MED10: variants seen among roughly 807,000 people sequenced by gnomAD.
MED10 encodes the protein mediator complex subunit 10.
Under a neutral mutation model 17.2 loss-of-function variants are expected in MED10, and 9 were observed. That is an observed-to-expected ratio of 0.52 (90% CI 0.31 to 0.91). MED10 has a LOEUF of 0.91. MED10 is among the 40% of genes least tolerant of loss of function. The pLI is 0.04. For synonymous variants in MED10, 66 were observed against 59.8 expected (o/e 1.10, Z -0.48); for missense variants, 129 against 164.8 (o/e 0.78, Z 1.19).
chr5:6,372,266 G>GTA lies in MED10; in HGVS notation c.*236_*237insTA. On this transcript the variant is annotated 3_prime_UTR_variant, in exon 4 of 4. Transcript: ENST00000255764. The stretch of plus-strand genomic sequence containing the variant: ...AGAGAATGATCCCCACAGTGATGAG[G>GTA]GGTCAGCACTCTGAAAGCCAGTTGA... 1 of 512,366 alleles carries GTA rather than the reference G, an allele frequency of 2.0e-6. No homozygotes were observed. Among genetic ancestry groups the GTA allele is most frequent in the East Asian group, 3.1e-5 (1 of 31,810 alleles). 31.7% of individuals were successfully genotyped at this position (512,366 alleles called of 1,614,324 possible).
intron 3 of MED10, among the ~76,000 whole-genome samples, chr5:6,372,987 G>A (rs17831845): frequency 0.23 from 34,921 of 152,104 alleles, 4,320 homozygotes; most frequent in Middle Eastern, 0.29. Flanking sequence ...CAAAACGAGC[G>A]GCCCTCACTA....
chr5:6,377,945 G>A (rs1039212621), intron 1 of MED10, among the ~76,000 whole-genome samples: 1 of 152,182 alleles, frequency 6.6e-6, no homozygotes, highest in Non-Finnish European at 1.5e-5. Context: ...CACCTTCTGA[G>A]GCCTAGTTTA....
chr5:6,375,048 T>C (rs1435466593), intron 2 of MED10, among the ~76,000 whole-genome samples: 1 of 152,160 alleles, frequency 6.6e-6, no homozygotes, highest in Non-Finnish European at 1.5e-5. Flanking sequence ...CTTTACTAAA[T>C]ACACCTAGGT....
At position 6,372,392 on chromosome 5, in the gene MED10, G is replaced by T; in HGVS notation, c.*111C>A. The T allele has an allele frequency of 1.2e-6, 1 of 834,898 alleles. No homozygotes were observed. Among genetic ancestry groups the T allele is most frequent in the Admixed American group, 2.0e-5 (1 of 49,052 alleles). 51.7% of individuals were successfully genotyped at this position (834,898 alleles called of 1,614,324 possible). A position where few individuals can be genotyped will look rare whatever the true frequency, so the allele number is the denominator to read the frequency against. ...AATGAGGACAGAGGGGCTGAGGGGT[G>T]TGTCCAGGGCCCAGTCCCACCTCAG... On this transcript the variant is annotated 3_prime_UTR_variant, in exon 4 of 4. Transcript: ENST00000255764.
rs1489976351 is a variant in MED10 at position 6,377,211 on chromosome 5, C to T, written c.161G>A (p.Cys54Tyr). The T allele has an allele frequency of 1.2e-6, 2 of 1,609,866 alleles. No individual in the cohort carries two copies. Among genetic ancestry groups the T allele is most frequent in the African/African-American group, 1.3e-5 (1 of 74,938 alleles). Residue 54 changes from cysteine (C) to tyrosine (Y), a missense_variant, in exon 2 of 4, where the codon TGC (cysteine) becomes TAC (tyrosine). This residue lies in a region of MED10 where 100 missense variants were observed against 121.0 expected (regional missense o/e 0.83). Transcript: ENST00000255764. ...AGTAATATCATGAAGCTGCTGTCTG[C>T]ACTTGTCAATATCCTGTAAGCCAGT... ...IVTGLQDIDKCRQQLHDITVP... is the reference protein window; with the variant it reads ...IVTGLQDIDKYRQQLHDITVP...
chr5:6,372,668 C>T lies in MED10; in HGVS notation c.310-67G>A, dbSNP rs139577666. The T allele has an allele frequency of 2.6e-4, 354 of 1,362,624 alleles. 1 individual carries two copies. In the African/African-American group the frequency reaches 4.3e-3, roughly 17 times the overall value. The allele number at this position is 1,362,624 out of a possible 1,614,324, so 84.4% of individuals were successfully genotyped here. On this transcript the variant is annotated intron_variant, in intron 3 of 3. Coordinates refer to ENST00000255764, the MANE Select transcript of MED10 (RefSeq NM_032286.3). ...CACTCCAATAACTATTTAAAATATGCCTTTTGGAAGTTTAAACACATGGCC... is the reference window on the plus strand; with the variant it reads ...CACTCCAATAACTATTTAAAATATGTCTTTTGGAAGTTTAAACACATGGCC...
chr5:6,378,458 T>C lies in MED10; in HGVS notation c.26A>G (p.Glu9Gly), dbSNP rs1000560919. Residue 9 changes from glutamate (E) to glycine (G), a missense_variant, in exon 1 of 4, where the codon GAG (glutamate) becomes GGG (glycine). Around this residue, in one of 3 missense-constraint regions of MED10, gnomAD observed 23 missense variants for 17.7 expected, o/e 1.30. Coordinates refer to ENST00000255764, the MANE Select transcript of MED10 (RefSeq NM_032286.3). MAEKFDHL[E>G]EHLEKFVENI... ...CTCCACGAACTTCTCCAGGTGCTCC[T>C]CTAGGTGGTCAAACTTCTCCGCCAT... 6.2e-7 allele frequency: 1 copy of C among 1,613,200 alleles called. No individual in the cohort carries two copies. Among genetic ancestry groups the C allele is most frequent in the African/African-American group, 1.3e-5 (1 of 75,010 alleles).
At chr5:6,373,870 G>T (rs898358075) in intron 3 of MED10, among the ~76,000 whole-genome samples, 5 of 152,228 alleles carry the variant, frequency 3.3e-5, no homozygotes, top group Admixed American at 6.5e-5. Flanking sequence ...AAAACTAAGT[G>T]ATCTGGGGAA....
chr5:6,374,587 T>A, intron 2 of MED10, 161 bp from the exon 3 acceptor site: 2 of 594,004 alleles, frequency 3.4e-6, no homozygotes, highest in Non-Finnish European at 6.1e-6. Context: ...TATTCCCTCA[T>A]TTACACAAGT....
chr5:6,378,183 G>A (rs1738039692), intron 1 of MED10, among the ~76,000 whole-genome samples, 179 bp downstream of exon 1: 2 of 152,208 alleles, frequency 1.3e-5, no homozygotes, highest in Admixed American at 6.5e-5. Flanking sequence ...CTGGAGCGCG[G>A]GCCCCGCCCT....
At chr5:6,375,607 C>G (rs965399784) in intron 2 of MED10, among the ~76,000 whole-genome samples, 3 of 152,194 alleles carry the variant, frequency 2.0e-5, no homozygotes, top group Admixed American at 2.0e-4. Flanking sequence ...GCATGGACAT[C>G]CTGCTCAGAC....
intron 2 of MED10, 62 bp downstream of exon 2, chr5:6,377,104 C>T (rs966192249): frequency 1.1e-5 from 13 of 1,161,690 alleles, no homozygotes; most frequent in Admixed American, 2.1e-5. Flanking sequence ...GAAGAAGTCA[C>T]GATACCACAC....
rs779766077 is a variant in MED10, at chr5:6,372,530, G to C, written c.381C>G (p.Ile127Met). The C allele has an allele frequency of 1.2e-6, 2 of 1,614,212 alleles. No individual in the cohort carries two copies. Among genetic ancestry groups the C allele is most frequent in the South Asian group, 2.2e-5 (2 of 91,088 alleles). ...AAGAAGGCGGGTGATCCTCCCCCCG[G>C]ATGCTTCGATACTTAGCCATGTCTT... The part of the protein sequence containing the change: ...FPEDMAKYRS[I>M]RGEDHPPS Residue 127 changes from isoleucine (I) to methionine (M), a missense_variant, in exon 4 of 4, where the codon ATC (isoleucine) becomes ATG (methionine). By Grantham distance (10) the Ile-to-Met change is conservative. Transcript: ENST00000255764.
rs776324536 is a variant in MED10 at position 6,378,532 on chromosome 5, G to A, written c.-49C>T. ...CACAGCCTCAACCAGCAGCGCCGCAGGCGTGGCCCTACGCTCCCGCTTCCT... is the reference window on the plus strand; with the variant it reads ...CACAGCCTCAACCAGCAGCGCCGCAAGCGTGGCCCTACGCTCCCGCTTCCT... On this transcript the variant is annotated 5_prime_UTR_variant, in exon 1 of 4. Coordinates refer to ENST00000255764, the MANE Select transcript of MED10 (RefSeq NM_032286.3). 7.6e-6 allele frequency: 12 copies of A among 1,575,198 alleles called. No individual in the cohort carries two copies. In the Admixed American group the frequency reaches 1.4e-4, roughly 19 times the overall value.
intron 1 of MED10, 23 bp from the exon 2 acceptor site, chr5:6,377,272 G>C: frequency 6.3e-7 from 1 of 1,579,046 alleles, no homozygotes; most frequent in Non-Finnish European, 8.7e-7. Context: ...CAAACACACA[G>C]GCATCTGGTT....
rs1327831477 is a variant in MED10 at position 6,378,468 on chromosome 5, C to T, written c.16G>A (p.Asp6Asn). 1.2e-6 allele frequency: 2 copies of T among 1,612,404 alleles called. No homozygotes were observed. ...TTCTCCAGGTGCTCCTCTAGGTGGT[C>T]AAACTTCTCCGCCATCGCCTCGGCC... MAEKFDHLEEHLEKFV... is the reference protein window; with the variant it reads MAEKFNHLEEHLEKFV... The change falls in exon 1 of 4, where the codon GAC becomes AAC. Residue 6 changes from aspartate (D) to asparagine (N), a missense_variant. Asp to Asn is a conservative substitution (Grantham distance 23). This residue lies in a region of MED10 where 23 missense variants were observed against 17.7 expected (regional missense o/e 1.30). Transcript: ENST00000255764.
At chr5:6,372,680 T>A in intron 3 of MED10, 79 bp from the exon 4 acceptor site, 1 of 1,191,222 alleles carries the variant, frequency 8.4e-7, no homozygotes, top group South Asian at 1.3e-5. Flanking sequence ...TTTTGGAAGT[T>A]TAAACACATG....
chr5:6,375,557 A>G (rs1737973042), intron 2 of MED10, among the ~76,000 whole-genome samples: 1 of 152,228 alleles, frequency 6.6e-6, no homozygotes, highest in Non-Finnish European at 1.5e-5. Flanking sequence ...GGCTCACAGA[A>G]TAAGGTTAAC....
chr5:6,377,081 G>A (rs538058067), intron 2 of MED10, 85 bp downstream of exon 2: 11 of 840,868 alleles, frequency 1.3e-5, no homozygotes, highest in Admixed American at 1.0e-4. Context: ...GCAGGCACTC[G>A]AATGCCAGTG....
Sources: gnomAD v4.1 joint callset for allele counts (sites outside exome capture counted in the v4.1 genomes callset) on GRCh38, gnomAD v4.1.1 for gene constraint, gnomAD v4.1.1 regional missense constraint, MANE v1.5 for transcripts, NCBI Gene and HGNC (gene_info 2026-07-23, HGNC 2026-07-21) for gene names.